Variants in RBFOX2 observed in about 807,000 individuals in gnomAD.
RBFOX2 encodes the protein RNA binding protein fox-1 homolog 2.
A neutral mutation model predicts 49.1 loss-of-function variants in RBFOX2; 10 were observed. The ratio of observed to expected loss-of-function variants is 0.20; its 90% CI spans 0.13 to 0.35. The LOEUF is 0.35. Among genes scored for constraint, RBFOX2 ranks in the 10% least tolerant of loss-of-function variants. RBFOX2 has a pLI of 1.00. For synonymous variants in RBFOX2, 183 were observed against 187.4 expected, an observed-to-expected ratio of 0.98 and a Z score of 0.19; for missense variants, 323 against 486.9, an observed-to-expected ratio of 0.66 and a Z score of 3.17.
At chr22:35,921,072 T>C (rs1471128590) in intron 1 of RBFOX2, among the ~76,000 whole-genome samples, 1 of 152,250 alleles carries the variant, frequency 6.6e-6, no homozygotes, top group African/African-American at 2.4e-5. Flanking sequence ...CAACGCCTCT[T>C]AGCATTTTCT....
intron 1 of RBFOX2, among the ~76,000 whole-genome samples, chr22:35,985,545 T>C (rs1166053572): frequency 1.3e-5 from 2 of 152,154 alleles, no homozygotes; most frequent in African/African-American, 2.4e-5. Flanking sequence ...TCATGTGAGC[T>C]TTCCCAATGT....
At chr22:35,817,636 G>A (rs1178045820) in intron 1 of RBFOX2, among the ~76,000 whole-genome samples, 1 of 152,064 alleles carries the variant, frequency 6.6e-6, no homozygotes, top group Non-Finnish European at 1.5e-5. Flanking sequence ...GTTTTCTAAA[G>A]TGCAAATCTA....
chr22:35,992,087 T>C (rs1569520162), intron 1 of RBFOX2, among the ~76,000 whole-genome samples: 1 of 152,128 alleles, frequency 6.6e-6, no homozygotes, highest in Non-Finnish European at 1.5e-5. Context: ...GCAAAGTCAA[T>C]AGGACTCTAA....
intron 1 of RBFOX2, among the ~76,000 whole-genome samples, chr22:35,845,874 T>C (rs2041118080): frequency 6.6e-6 from 1 of 152,168 alleles, no homozygotes; most frequent in Non-Finnish European, 1.5e-5. Flanking sequence ...CTTTGTTGTC[T>C]TGTTCACCAC....
chr22:36,020,947 G>A (rs1463790453), intron 1 of RBFOX2, among the ~76,000 whole-genome samples: 1 of 152,026 alleles, frequency 6.6e-6, no homozygotes, highest in Non-Finnish European at 1.5e-5. Context: ...ACATGCACAC[G>A]TATGTTTACT....
At chr22:35,770,853 A>G (rs1287744904) in intron 4 of RBFOX2, among the ~76,000 whole-genome samples, 2 of 152,192 alleles carry the variant, frequency 1.3e-5, no homozygotes, top group African/African-American at 4.8e-5. Context: ...ACAAAATTTC[A>G]CTTTCAAATG....
At chr22:35,837,164 A>G (rs757034377) in intron 1 of RBFOX2, among the ~76,000 whole-genome samples, 1 of 152,238 alleles carries the variant, frequency 6.6e-6, no homozygotes, top group Non-Finnish European at 1.5e-5. Flanking sequence ...AGGCCCTATA[A>G]AAGTAGAGCA....
At chr22:35,822,097 C>G (rs1313794714) in intron 1 of RBFOX2, 2 of 439,076 alleles carry the variant, frequency 4.6e-6, no homozygotes, top group East Asian at 6.9e-5. Context: ...TGAGATGGTA[C>G]TCCCCAATAA....
At chr22:35,884,773 TA>T (rs1475156362) in intron 1 of RBFOX2, among the ~76,000 whole-genome samples, 2 of 152,220 alleles carry the variant, frequency 1.3e-5, no homozygotes, top group Admixed American at 1.3e-4. Flanking sequence ...TGGGGATCAC[TA>T]GGGACCATCT....
At chr22:35,760,442 A>T (rs557378454) in intron 8 of RBFOX2, among the ~76,000 whole-genome samples, 2 of 152,364 alleles carry the variant, frequency 1.3e-5, no homozygotes, top group South Asian at 4.1e-4. Context: ...TCCCAATGTT[A>T]CTATGTCCAC....
chr22:35,799,612 CAAA>C (rs2147827401), intron 2 of RBFOX2, among the ~76,000 whole-genome samples: 1 of 152,182 alleles, frequency 6.6e-6, no homozygotes, highest in African/African-American at 2.4e-5. Context: ...ACAAACAGTA[CAAA>C]TAGGGACAAC....
At chr22:35,847,613 A>C (rs1279755627) in intron 1 of RBFOX2, among the ~76,000 whole-genome samples, 1 of 152,178 alleles carries the variant, frequency 6.6e-6, no homozygotes, top group Non-Finnish European at 1.5e-5. Context: ...AAAAGTAATA[A>C]ATAAGATTGT....
At chr22:35,780,376 A>G (rs1569068956) in intron 3 of RBFOX2, among the ~76,000 whole-genome samples, 1 of 152,106 alleles carries the variant, frequency 6.6e-6, no homozygotes, top group East Asian at 1.9e-4. Context: ...AACAAAAAAA[A>G]AAAACAAAAA....
chr22:35,791,729 T>C (rs1243738935), intron 2 of RBFOX2, among the ~76,000 whole-genome samples: 1 of 152,214 alleles, frequency 6.6e-6, no homozygotes, highest in Admixed American at 6.5e-5. Context: ...CTGCACTCTC[T>C]CTGAAGACAT....
At chr22:35,755,736 T>A (rs766735059) in intron 9 of RBFOX2, among the ~76,000 whole-genome samples, 134 of 151,966 alleles carry the variant, frequency 8.8e-4, no homozygotes, top group Non-Finnish European at 2.1e-4. Flanking sequence ...GTCCTGTTAT[T>A]TATGTATGCA....
intron 1 of RBFOX2, among the ~76,000 whole-genome samples, chr22:35,812,027 G>A (rs1209744139): frequency 6.6e-6 from 1 of 151,552 alleles, no homozygotes; most frequent in Non-Finnish European, 1.5e-5. Flanking sequence ...TTGTGAGGCT[G>A]AGGCGGGCAG....
upstream of RBFOX2, among the ~76,000 whole-genome samples, chr22:35,842,697 T>A (rs1380524566): frequency 6.6e-6 from 1 of 151,956 alleles, no homozygotes; most frequent in East Asian, 1.9e-4. Context: ...TCCCCCACAA[T>A]GTCCCCCGCC....
chr22:35,812,183 C>G (rs1952014074), intron 1 of RBFOX2, among the ~76,000 whole-genome samples: 1 of 151,468 alleles, frequency 6.6e-6, no homozygotes, highest in African/African-American at 2.4e-5. Context: ...ATCGCTTGAA[C>G]TCAGGAGGAG....
chr22:35,899,566 C>CAAAAAAAAAAAAAAAA (rs398061920), intron 1 of RBFOX2, among the ~76,000 whole-genome samples: 2 of 90,016 alleles, frequency 2.2e-5, no homozygotes, highest in South Asian at 3.8e-4. Context: ...TAAAACAAAA[C>CAAAAAAAAAAAAAAAA]AAAAAAAAAA....
Sources: allele counts gnomAD v4.1 joint callset (sites outside exome capture counted in the v4.1 genomes callset), GRCh38; gene constraint gnomAD v4.1.1; transcripts MANE v1.5; gene names NCBI Gene and HGNC (gene_info 2026-07-23, HGNC 2026-07-21).